ROBO2: variants seen among roughly 807,000 people sequenced by gnomAD.
The protein encoded by ROBO2 is roundabout homolog 2.
In ROBO2, 53 loss-of-function variants were observed where a neutral mutation model predicts 160.8. The ratio of observed to expected loss-of-function variants is 0.33; its 90% CI spans 0.26 to 0.41. The LOEUF is 0.41. Among genes scored for constraint, ROBO2 ranks in the 10% least tolerant of loss-of-function variants. The pLI is 1.00. For missense variants in ROBO2, 1,577 were observed against 1,722.4 expected (o/e 0.92, Z 1.49); for synonymous variants, 664 against 611.7 (o/e 1.09, Z -1.26).
intron 4 of ROBO2, among the ~76,000 whole-genome samples, chr3:77,484,013 C>T (rs1457876496): frequency 6.6e-6 from 1 of 151,586 alleles, no homozygotes; most frequent in East Asian, 1.9e-4. Flanking sequence ...TTAAATGTGC[C>T]ATTTGATCAT....
chr3:77,543,486 T>G (rs2092569099), intron 6 of ROBO2, among the ~76,000 whole-genome samples: 1 of 152,188 alleles, frequency 6.6e-6, no homozygotes, highest in Non-Finnish European at 1.5e-5. Flanking sequence ...AGCAGTGGTG[T>G]TAAAATCGTA....
chr3:76,748,887 T>C (rs1576398783), intron 2 of ROBO2, among the ~76,000 whole-genome samples: 1 of 151,916 alleles, frequency 6.6e-6, no homozygotes, highest in East Asian at 1.9e-4. Context: ...TATTAGAATA[T>C]TCGTTACATC....
intron 2 of ROBO2, among the ~76,000 whole-genome samples, chr3:76,387,415 CATT>C (rs1270070013): frequency 3.9e-5 from 6 of 152,046 alleles, no homozygotes; most frequent in African/African-American, 1.2e-4. Context: ...TATTAAAAAT[CATT>C]ATTAATAGAA....
chr3:76,830,492 A>T (rs2066986999), intron 2 of ROBO2, among the ~76,000 whole-genome samples: 2 of 152,162 alleles, frequency 1.3e-5, no homozygotes, highest in Non-Finnish European at 2.9e-5. Context: ...CTCAAAAAAA[A>T]TTTGACTTTT....
At chr3:77,557,957 A>G (rs1488739463) in exon 9 of ROBO2, 2 of 1,612,864 alleles carry the variant, frequency 1.2e-6, no homozygotes. Context: ...TGACAGATAG[A>G]CCTCCACCTA....
intron 2 of ROBO2, among the ~76,000 whole-genome samples, chr3:76,978,144 G>A (rs1361600434): frequency 6.6e-6 from 1 of 152,074 alleles, no homozygotes; most frequent in East Asian, 1.9e-4. Context: ...AGGACACTTA[G>A]TAAAGCAATT....
In ROBO2 at chr3:77,322,645, G is replaced by A. The variant is rs563497223; in HGVS notation, c.389-154769G>A. The stretch of plus-strand genomic sequence containing the variant: ...TTTAGATAATATCCACACTTGGTTG[G>A]ATGGACTATATTTTATAGATATTTT... On this transcript the variant is annotated intron_variant, in intron 2 of 25. Coordinates refer to ENST00000461745, the Ensembl canonical transcript of ROBO2. 4.2e-4 allele frequency among the ~76,000 whole-genome samples: 63 copies of A among 150,570 alleles called. 1 individual carries two copies. The East Asian group carries it at 6.8e-3, about 16-fold the overall frequency.
In ROBO2 at chr3:77,557,151, T is replaced by C. The variant is rs556801035; in HGVS notation, c.1232-793T>C. ...TACCGAAATGCTACTACAAATACAGTATTTCATAAATAAAAAGCAATACTA... is the reference window on the plus strand; with the variant it reads ...TACCGAAATGCTACTACAAATACAGCATTTCATAAATAAAAAGCAATACTA... On this transcript the variant is annotated intron_variant, in intron 8 of 25. Coordinates refer to ENST00000461745, the Ensembl canonical transcript of ROBO2. Among the ~76,000 whole-genome samples, 13 of 152,090 alleles carry C rather than the reference T, an allele frequency of 8.5e-5. No individual in the cohort carries two copies. In the South Asian group the frequency reaches 2.7e-3, roughly 32 times the overall value.
At chr3:76,664,589 G>T (rs530196388) in intron 2 of ROBO2, among the ~76,000 whole-genome samples, 1 of 152,266 alleles carries the variant, frequency 6.6e-6, no homozygotes, top group African/African-American at 2.4e-5. Context: ...TTATGCGTTT[G>T]GAAAACGCTT....
At chr3:76,973,101 G>A (rs753412195) in intron 2 of ROBO2, among the ~76,000 whole-genome samples, 3 of 152,164 alleles carry the variant, frequency 2.0e-5, no homozygotes, top group East Asian at 1.9e-4. Flanking sequence ...AGGGGCCTAC[G>A]TAAACAGAGG....
chr3:77,312,500 T>C (rs979163779), intron 2 of ROBO2, among the ~76,000 whole-genome samples: 8 of 152,216 alleles, frequency 5.3e-5, no homozygotes, highest in African/African-American at 1.7e-4. Context: ...TTAATTTTTA[T>C]TTTTTGTCTT....
At chr3:76,304,001 C>A (rs901256510) in intron 2 of ROBO2, among the ~76,000 whole-genome samples, 3 of 152,096 alleles carry the variant, frequency 2.0e-5, no homozygotes, top group African/African-American at 7.2e-5. Flanking sequence ...AACTATTTCT[C>A]GATAACAGTG....
intron 2 of ROBO2, among the ~76,000 whole-genome samples, chr3:75,973,627 C>T (rs2065054011): frequency 6.6e-6 from 1 of 151,406 alleles, no homozygotes; most frequent in African/African-American, 2.4e-5. Context: ...AAAATTTTGT[C>T]TGGAATAATG....
chr3:77,411,417 T>C (rs1281843405), intron 2 of ROBO2, among the ~76,000 whole-genome samples: 1 of 152,148 alleles, frequency 6.6e-6, no homozygotes, highest in African/African-American at 2.4e-5. Context: ...AAAAATGGCA[T>C]TATATGTGTC....
At chr3:76,989,100 C>T (rs1287053692) in intron 2 of ROBO2, among the ~76,000 whole-genome samples, 2 of 152,022 alleles carry the variant, frequency 1.3e-5, no homozygotes, top group African/African-American at 4.8e-5. Context: ...CTTATCTATA[C>T]TGATCAACAA....
chr3:77,142,512 G>A (rs1441323050), intron 2 of ROBO2, among the ~76,000 whole-genome samples: 1 of 152,076 alleles, frequency 6.6e-6, no homozygotes, highest in African/African-American at 2.4e-5. Flanking sequence ...TATAATAAAG[G>A]CTAAAAAGCA....
intron 2 of ROBO2, among the ~76,000 whole-genome samples, chr3:77,389,576 T>C (rs1300636155): frequency 1.3e-5 from 2 of 152,102 alleles, no homozygotes; most frequent in Non-Finnish European, 2.9e-5. Context: ...TCAACAGTAT[T>C]TATATTTTAT....
chr3:77,243,645 G>A (rs2089341464), intron 2 of ROBO2, among the ~76,000 whole-genome samples: 1 of 152,150 alleles, frequency 6.6e-6, no homozygotes, highest in South Asian at 2.1e-4. Flanking sequence ...GCTCAGCACT[G>A]GTTTTTGTCA....
intron 1 of ROBO2, among the ~76,000 whole-genome samples, chr3:75,930,343 C>T (rs896863792): frequency 2.6e-5 from 4 of 152,130 alleles, no homozygotes; most frequent in Non-Finnish European, 5.9e-5. Flanking sequence ...CCTCACAATC[C>T]ATCCGTACTC....
Sources: gnomAD v4.1 joint callset for allele counts (sites outside exome capture counted in the v4.1 genomes callset) on GRCh38, gnomAD v4.1.1 for gene constraint, MANE v1.5 for transcripts, NCBI Gene and HGNC (gene_info 2026-07-23, HGNC 2026-07-21) for gene names.